The following INPP5F variants were observed in gnomAD, a reference collection of about 807,000 sequenced individuals.
INPP5F encodes the protein inositol polyphosphate-5-phosphatase F.
INPP5F carries 97 observed loss-of-function variants against 137.2 expected under a neutral mutation model. That is an observed-to-expected ratio of 0.71 (90% CI 0.60 to 0.84). INPP5F has a LOEUF of 0.84. Ranked by LOEUF, INPP5F falls within the 40% of genes least tolerant of loss-of-function variation. The pLI is 0.00. For synonymous variants in INPP5F, 504 were observed against 476.9 expected (o/e 1.06, Z -0.74); for missense variants, 1,271 against 1,371.9 (o/e 0.93, Z 1.16).
intron 15 of INPP5F, chr10:119,815,657 AG>A: frequency 6.6e-6 from 2 of 303,226 alleles, no homozygotes; most frequent in South Asian, 3.7e-5. Context: ...AGAGATGGGC[AG>A]GGGAGCTCCA....
intron 7 of INPP5F, 104 bp from the exon 8 acceptor site, chr10:119,797,357 C>G: frequency 1.1e-6 from 1 of 927,316 alleles, no homozygotes; most frequent in South Asian, 1.7e-5. Context: ...CACTGAATCC[C>G]CAAGGCTATC....
chr10:119,817,912 TACCTCACTC>T (rs1462322558), intron 15 of INPP5F, among the ~76,000 whole-genome samples: 3 of 152,250 alleles, frequency 2.0e-5, no homozygotes, highest in African/African-American at 7.2e-5. Flanking sequence ...CAGAGACCAG[TACCTCACTC>T]ACCTCACTGC....
intron 2 of INPP5F, among the ~76,000 whole-genome samples, chr10:119,776,830 A>C (rs1178747195): frequency 6.6e-6 from 1 of 152,032 alleles, no homozygotes; most frequent in African/African-American, 2.4e-5. Flanking sequence ...AGCTCACTGC[A>C]GCCTTGAACT....
At chr10:119,778,070 C>T (rs952557791) in intron 2 of INPP5F, among the ~76,000 whole-genome samples, 7 of 151,834 alleles carry the variant, frequency 4.6e-5, no homozygotes, top group Non-Finnish European at 8.8e-5. Flanking sequence ...TCAGTGGTGC[C>T]GTCTCGGCTC....
At chr10:119,756,973 G>T (rs1011049645) in intron 2 of INPP5F, among the ~76,000 whole-genome samples, 2 of 151,300 alleles carry the variant, frequency 1.3e-5, no homozygotes, top group Non-Finnish European at 2.9e-5. Context: ...TCAGACATTT[G>T]CAGGCAGGTG....
chr10:119,742,971 G>T (rs1341175616), intron 1 of INPP5F, among the ~76,000 whole-genome samples: 1 of 152,112 alleles, frequency 6.6e-6, no homozygotes. Context: ...CAGCCTGGGC[G>T]ACAAGAGTGA....
intron 1 of INPP5F, among the ~76,000 whole-genome samples, chr10:119,731,646 A>G (rs1249728675): frequency 6.6e-6 from 1 of 152,236 alleles, no homozygotes; most frequent in Non-Finnish European, 1.5e-5. Flanking sequence ...CCTGGGCAAC[A>G]GAGTGAGACT....
intron 1 of INPP5F, among the ~76,000 whole-genome samples, chr10:119,740,977 A>G (rs1325083830): frequency 3.3e-5 from 5 of 152,220 alleles, no homozygotes; most frequent in African/African-American, 9.6e-5. Flanking sequence ...TATGTGACGG[A>G]TGCTGGGCAC....
In INPP5F at chr10:119,827,427, G is replaced by T. The variant is rs150134182; in HGVS notation, c.3046G>T (p.Val1016Phe). Residue 1016 changes from valine to phenylalanine, a missense_variant, in exon 20 of 20, where the codon GTC becomes TTC. Val to Phe is a conservative substitution (Grantham distance 50, BLOSUM62 -1). Around this residue, in one of 6 missense-constraint regions of INPP5F, gnomAD observed 490 missense variants for 443.7 expected, o/e 1.10. Coordinates refer to ENST00000650623, the MANE Select transcript of INPP5F (RefSeq NM_014937.4). ...QTPSRPSQLD[V>F]SLSATGPQFL... ...ACCTTCTCGGCCATCGCAATTAGAT[G>T]TCTCTCTTTCTGCAACAGGCCCACA... The T allele has an allele frequency of 2.9e-4, 471 of 1,614,190 alleles. 2 individuals carry two copies. In the Middle Eastern group the frequency reaches 4.3e-3, roughly 15 times the overall value.
rs1847890840 is a variant in INPP5F at position 119,726,402 on chromosome 10, G to T, written c.97+43G>T. The stretch of plus-strand genomic sequence containing the variant: ...GGCGGGGGGCACCCCGGGCCAGGGC[G>T]GGGAGAGGAGGGGGCGCGGCCGGAC... On this transcript the variant is annotated intron_variant, in intron 1 of 19. Coordinates refer to ENST00000650623, the MANE Select transcript of INPP5F (RefSeq NM_014937.4). The T allele has an allele frequency of 2.6e-6, 3 of 1,135,496 alleles. No homozygotes were observed. In the South Asian group the frequency reaches 9.7e-5, roughly 37 times the overall value. 70.3% of individuals were successfully genotyped at this position (1,135,496 alleles called of 1,614,324 possible).
intron 9 of INPP5F, among the ~76,000 whole-genome samples, chr10:119,798,891 G>A (rs1033042619): frequency 6.8e-6 from 1 of 147,506 alleles, no homozygotes; most frequent in Admixed American, 6.9e-5. Flanking sequence ...TCAGCCTCCC[G>A]AGTAGCTGGG....
chr10:119,783,911 A>G (rs946232010), intron 3 of INPP5F, among the ~76,000 whole-genome samples: 2 of 152,220 alleles, frequency 1.3e-5, no homozygotes, highest in Non-Finnish European at 2.9e-5. Flanking sequence ...GAGTAAAAGT[A>G]ACTACAGAGA....
chr10:119,763,034 G>A (rs746715901), intron 2 of INPP5F, among the ~76,000 whole-genome samples: 1 of 152,184 alleles, frequency 6.6e-6, no homozygotes, highest in Non-Finnish European at 1.5e-5. Context: ...CTGCAAACCT[G>A]TGAAACCATA....
rs1448837538 is a variant in INPP5F, at chr10:119,804,438, CTTTGT to C, written c.1241+145_1241+149del. ...AAAGAAAAAGGGTATCATTCATTTA[CTTTGT>C]TTTAATTTTCATGTGGGCATTATTT... On this transcript the variant is annotated intron_variant, in intron 10 of 19. Coordinates refer to ENST00000650623, the MANE Select transcript of INPP5F (RefSeq NM_014937.4). The C allele has an allele frequency of 5.4e-6, 4 of 737,110 alleles. No homozygotes were observed. The African/African-American group carries it at 7.2e-5, about 13-fold the overall frequency. 45.7% of individuals were successfully genotyped at this position (737,110 alleles called of 1,614,324 possible). A position where few individuals can be genotyped will look rare whatever the true frequency, so the allele number is the denominator to read the frequency against.
intron 1 of INPP5F, among the ~76,000 whole-genome samples, chr10:119,739,826 C>T (rs1197224729): frequency 6.6e-6 from 1 of 151,924 alleles, no homozygotes. Context: ...TGCCATGTTG[C>T]CCAGACTGGT....
chr10:119,770,140 A>T (rs1262302685), intron 2 of INPP5F, among the ~76,000 whole-genome samples: 1 of 151,904 alleles, frequency 6.6e-6, no homozygotes. Context: ...AGTTTTTTTT[A>T]TCTTGCTGGG....
At chr10:119,759,167 G>A (rs971771500) in intron 2 of INPP5F, among the ~76,000 whole-genome samples, 1 of 152,128 alleles carries the variant, frequency 6.6e-6, no homozygotes, top group African/African-American at 2.4e-5. Context: ...ATACAGGCAC[G>A]TACCACCGTG....
intron 15 of INPP5F, 119 bp from the exon 16 acceptor site, chr10:119,820,727 C>T (rs935652617): frequency 1.4e-6 from 1 of 710,356 alleles, no homozygotes; most frequent in Non-Finnish European, 2.6e-6. Flanking sequence ...TGATTACCTT[C>T]TTCTTTTCCC....
intron 6 of INPP5F, 102 bp from the exon 7 acceptor site, chr10:119,796,613 G>C: frequency 1.1e-6 from 1 of 925,850 alleles, no homozygotes. Context: ...GAAGGTTTCT[G>C]CTTCTAATAA....
Sources: gnomAD v4.1 joint callset for allele counts (sites outside exome capture counted in the v4.1 genomes callset) on GRCh38, gnomAD v4.1.1 for gene constraint, gnomAD v4.1.1 regional missense constraint, MANE v1.5 for transcripts, NCBI Gene and HGNC (gene_info 2026-07-23, HGNC 2026-07-21) for gene names.